Variants in FAR2 observed in about 807,000 individuals in gnomAD.
FAR2 encodes the protein fatty acyl-CoA reductase 2.
FAR2 carries 19 observed loss-of-function variants against 56.0 expected under a neutral mutation model. The ratio of observed to expected loss-of-function variants is 0.34; its 90% confidence interval spans 0.24 to 0.50. The LOEUF (loss-of-function observed/expected upper bound fraction) is 0.50, where lower values mean the gene tolerates loss of function less well. Among genes scored for constraint, FAR2 ranks in the 20% least tolerant of loss-of-function variants. The pLI is 0.98. For synonymous variants in FAR2, 219 were observed against 218.8 expected (o/e 1.00, Z -0.01); for missense variants, 508 against 642.2 (o/e 0.79, Z 2.26).
intron 1 of FAR2, among the ~76,000 whole-genome samples, chr12:29,175,155 G>A (rs561251166): frequency 6.6e-6 from 1 of 152,330 alleles, no homozygotes; most frequent in South Asian, 2.1e-4. Context: ...AGAATAGCAA[G>A]TGAAAGGGAT....
intron 2 of FAR2, chr12:29,277,689 G>A (rs1486705499): frequency 6.6e-6 from 1 of 152,186 alleles, no homozygotes; most frequent in Non-Finnish European, 1.5e-5. Context: ...CTGGAGCTCA[G>A]GAAGAGTTAA....
chr12:29,276,171 G>T (rs573629126), intron 2 of FAR2, among the ~76,000 whole-genome samples: 9 of 152,294 alleles, frequency 5.9e-5, no homozygotes, highest in Non-Finnish European at 8.8e-5. Context: ...TGCTTACCCA[G>T]GGAGTCTCTG....
At chr12:29,246,361 A>C (rs1948128184) in intron 1 of FAR2, among the ~76,000 whole-genome samples, 1 of 152,140 alleles carries the variant, frequency 6.6e-6, no homozygotes, top group Non-Finnish European at 1.5e-5. Context: ...ATATCTCAAC[A>C]TTTCACCTCT....
chr12:29,167,713 A>G (rs575009629), intron 1 of FAR2, among the ~76,000 whole-genome samples: 17 of 152,330 alleles, frequency 1.1e-4, no homozygotes, highest in Non-Finnish European at 2.2e-4. Context: ...TCATATAAAT[A>G]CTACAATCCA....
chr12:29,217,444 A>C (rs758943989), intron 1 of FAR2, among the ~76,000 whole-genome samples: 1 of 152,212 alleles, frequency 6.6e-6, no homozygotes, highest in Non-Finnish European at 1.5e-5. Context: ...TTTCCAGAAG[A>C]AGCAGTACAG....
intron 1 of FAR2, among the ~76,000 whole-genome samples, chr12:29,208,534 A>C (rs1947503188): frequency 6.6e-6 from 1 of 152,160 alleles, no homozygotes; most frequent in Admixed American, 6.5e-5. Context: ...TTATATTTCT[A>C]TCATCAGATT....
At chr12:29,329,727 GCT>G (rs1949703534) in intron 10 of FAR2, among the ~76,000 whole-genome samples, 3 of 152,108 alleles carry the variant, frequency 2.0e-5, no homozygotes, top group Admixed American at 6.5e-5. Context: ...AATCGCATCT[GCT>G]CTCTTTATTA....
chr12:29,173,077 T>C (rs775622197), intron 1 of FAR2, among the ~76,000 whole-genome samples: 1 of 152,266 alleles, frequency 6.6e-6, no homozygotes, highest in Non-Finnish European at 1.5e-5. Context: ...AACAGTAGCA[T>C]GACTTCTCTC....
intron 1 of FAR2, among the ~76,000 whole-genome samples, chr12:29,173,682 A>G (rs746069212): frequency 4.6e-5 from 7 of 152,056 alleles, no homozygotes; most frequent in Non-Finnish European, 8.8e-5. Context: ...TTTCAAGGGT[A>G]AGCCGGTTGA....
At chr12:29,306,151 G>T (rs1328768159) in intron 4 of FAR2, among the ~76,000 whole-genome samples, 2 of 152,040 alleles carry the variant, frequency 1.3e-5, no homozygotes, top group African/African-American at 2.4e-5. Flanking sequence ...AGATGGAGAG[G>T]TGTCTGCATC....
chr12:29,243,831 T>C (rs1401682498), intron 1 of FAR2, among the ~76,000 whole-genome samples: 1 of 151,962 alleles, frequency 6.6e-6, no homozygotes, highest in Non-Finnish European at 1.5e-5. Flanking sequence ...TGTATTCTTC[T>C]TGGAATATCA....
intron 1 of FAR2, among the ~76,000 whole-genome samples, chr12:29,220,931 G>T (rs1392802945): frequency 2.6e-5 from 4 of 152,168 alleles, no homozygotes; most frequent in African/African-American, 9.7e-5. Flanking sequence ...TACTTCTGGG[G>T]TCTTGTGTCC....
chr12:29,216,623 C>T (rs1252306604), intron 1 of FAR2, among the ~76,000 whole-genome samples: 1 of 152,158 alleles, frequency 6.6e-6, no homozygotes, highest in Non-Finnish European at 1.5e-5. Context: ...TATGCCTTCA[C>T]ATCATAACAA....
intron 2 of FAR2, chr12:29,281,512 C>G (rs1477967212): frequency 6.6e-6 from 1 of 152,172 alleles, no homozygotes; most frequent in Non-Finnish European, 1.5e-5. Flanking sequence ...GAAGTGTGCT[C>G]TTCTTGCGAT....
At chr12:29,150,204 TATTAAA>T (rs2136568136) in intron 1 of FAR2, among the ~76,000 whole-genome samples, 1 of 152,326 alleles carries the variant, frequency 6.6e-6, no homozygotes, top group South Asian at 2.1e-4. Flanking sequence ...AGTCTCAGTC[TATTAAA>T]ACAATTCATG....
intron 1 of FAR2, among the ~76,000 whole-genome samples, chr12:29,207,983 C>T (rs80314861): frequency 0.015 from 2,277 of 152,330 alleles, 61 homozygotes; most frequent in African/African-American, 0.046. Flanking sequence ...AGGAGGATTA[C>T]TTGGGTCCAG....
Position 29,333,878 on chromosome 12 carries a change from C to T in FAR2, c.*84C>T. 7.7e-7 allele frequency: 1 copy of T among 1,295,764 alleles called. No individual in the cohort carries two copies. Among genetic ancestry groups the T allele is most frequent in the South Asian group, 1.4e-5 (1 of 72,378 alleles). 80.3% of individuals were successfully genotyped at this position (1,295,764 alleles called of 1,614,324 possible). ...TGTGATTCTCAAGATTAGAAAGTAA[C>T]AAGGAATATGCCCAAACTGTCAAAT... is the stretch of plus-strand genomic sequence containing the variant. On this transcript the variant is annotated 3_prime_UTR_variant, in exon 12 of 12. Coordinates refer to ENST00000536681, the MANE Select transcript of FAR2 (RefSeq NM_001271783.2).
At chr12:29,194,408 G>A (rs1950127893) in intron 1 of FAR2, among the ~76,000 whole-genome samples, 1 of 152,028 alleles carries the variant, frequency 6.6e-6, no homozygotes, top group African/African-American at 2.4e-5. Context: ...GATTGTGCCT[G>A]CATTCCATGA....
Position 29,321,842 on chromosome 12 carries a change from A to G in FAR2, c.1175A>G (p.Glu392Gly). 6.2e-7 allele frequency: 1 copy of G among 1,613,888 alleles called. No individual in the cohort carries two copies. Among genetic ancestry groups the G allele is most frequent in the South Asian group, 1.1e-5 (1 of 91,064 alleles). Residue 392 changes from glutamate to glycine, a missense_variant, in exon 10 of 12, where the codon GAG becomes GGG. Transcript: ENST00000536681. The part of the protein sequence containing the change: ...NRLLRTVSML[E>G]YFINRSWEWS... ...CTTTTAAGAACTGTTTCCATGTTGG[A>G]GTATTTCATCAACCGGAGTTGGGAA...
Sources: gnomAD v4.1 joint callset for allele counts (sites outside exome capture counted in the v4.1 genomes callset) on GRCh38, gnomAD v4.1.1 for gene constraint, MANE v1.5 for transcripts, NCBI Gene and HGNC (gene_info 2026-07-23, HGNC 2026-07-21) for gene names.